Variants in CHRM2 observed in about 807,000 individuals in gnomAD.
CHRM2 encodes muscarinic acetylcholine receptor M2.
CHRM2 carries 8 observed loss-of-function variants against 25.0 expected under a neutral mutation model. The ratio of observed to expected loss-of-function variants is 0.32; its 90% CI spans 0.19 to 0.58. The LOEUF is 0.58. Ranked by LOEUF, CHRM2 falls within the 20% of genes least tolerant of loss-of-function variation. The probability of loss-of-function intolerance (pLI) is 0.88; values close to 1 mark genes in which losing one functional copy is unlikely to be tolerated. For missense variants in CHRM2, 440 were observed against 567.1 expected, an observed-to-expected ratio of 0.78 and a Z score of 2.28; for synonymous variants, 202 against 205.7, an observed-to-expected ratio of 0.98 and a Z score of 0.15.
At chr7:136,941,672 G>A (rs1799780672) in intron 2 of CHRM2, among the ~76,000 whole-genome samples, 1 of 152,150 alleles carries the variant, frequency 6.6e-6, no homozygotes, top group Non-Finnish European at 1.5e-5. Context: ...TGTAACTACA[G>A]GCAAAGTCTA....
At chr7:136,881,049 G>T (rs1563041846) in intron 2 of CHRM2, among the ~76,000 whole-genome samples, 1 of 150,252 alleles carries the variant, frequency 6.7e-6, no homozygotes, top group Admixed American at 6.7e-5. Flanking sequence ...GTGTATAATG[G>T]TATGTAGATG....
intron 2 of CHRM2, chr7:136,871,669 C>A (rs1231381980): frequency 6.6e-6 from 1 of 152,296 alleles, no homozygotes; most frequent in Non-Finnish European, 1.5e-5. Flanking sequence ...AACAGGCATA[C>A]CTGTGCCATT....
intron 2 of CHRM2, among the ~76,000 whole-genome samples, chr7:136,948,724 C>A (rs1034446892): frequency 7.2e-5 from 11 of 152,138 alleles, no homozygotes; most frequent in African/African-American, 2.7e-4. Flanking sequence ...CTTTCTTCCA[C>A]CACAGCTCCT....
chr7:136,993,770 C>A (rs909894758), intron 3 of CHRM2, among the ~76,000 whole-genome samples: 2 of 152,104 alleles, frequency 1.3e-5, no homozygotes, highest in Admixed American at 1.3e-4. Context: ...AAATCCAACC[C>A]CAAAGTGAAA....
chr7:136,893,935 C>T (rs1796791362), intron 2 of CHRM2, among the ~76,000 whole-genome samples: 1 of 152,146 alleles, frequency 6.6e-6, no homozygotes, highest in South Asian at 2.1e-4. Flanking sequence ...TTATTTTGCC[C>T]TTTGTTCTAC....
chr7:136,880,690 T>C (rs534375375), intron 2 of CHRM2, among the ~76,000 whole-genome samples: 1 of 151,826 alleles, frequency 6.6e-6, no homozygotes, highest in Non-Finnish European at 1.5e-5. Context: ...GAAGAACTGT[T>C]TCCACAAACC....
intron 2 of CHRM2, chr7:136,901,801 CTTAA>C (rs1037716930): frequency 3.9e-5 from 6 of 151,972 alleles, no homozygotes; most frequent in Admixed American, 2.6e-4. Context: ...CACAAAACCT[CTTAA>C]TTCTTTCCCA....
intron 2 of CHRM2, chr7:136,907,818 G>A (rs1033944067): frequency 1.3e-5 from 2 of 152,024 alleles, no homozygotes; most frequent in Non-Finnish European, 2.9e-5. Context: ...GGTGCCAACG[G>A]AGATTCAAGA....
chr7:136,941,357 T>C (rs1466965320), intron 2 of CHRM2, among the ~76,000 whole-genome samples: 1 of 152,162 alleles, frequency 6.6e-6, no homozygotes, highest in Non-Finnish European at 1.5e-5. Context: ...ATCCCATCAA[T>C]ATCAAATGAG....
chr7:136,969,915 T>C (rs980720421), intron 2 of CHRM2, among the ~76,000 whole-genome samples: 1 of 152,186 alleles, frequency 6.6e-6, no homozygotes, highest in Admixed American at 6.5e-5. Flanking sequence ...CACAGTCCGG[T>C]AGCTGGGAAG....
chr7:136,945,472 T>C (rs1380265020), intron 2 of CHRM2, among the ~76,000 whole-genome samples: 3 of 152,166 alleles, frequency 2.0e-5, no homozygotes, highest in Non-Finnish European at 2.9e-5. Context: ...CCCAGCACCA[T>C]TTATTGAATA....
chr7:136,957,278 T>C (rs570565863), intron 2 of CHRM2, among the ~76,000 whole-genome samples: 56 of 143,176 alleles, frequency 3.9e-4, no homozygotes, highest in Non-Finnish European at 6.8e-4. Flanking sequence ...TGTGTGTGTG[T>C]GCACATGCAC....
intron 2 of CHRM2, among the ~76,000 whole-genome samples, chr7:136,876,114 T>G (rs1280331839): frequency 2.6e-5 from 4 of 152,214 alleles, no homozygotes; most frequent in Non-Finnish European, 5.9e-5. Flanking sequence ...CTCAGTATAT[T>G]CCTGTTATTT....
chr7:136,964,660 C>T (rs1288083718), intron 2 of CHRM2, among the ~76,000 whole-genome samples: 1 of 152,088 alleles, frequency 6.6e-6, no homozygotes, highest in Non-Finnish European at 1.5e-5. Context: ...ATTTCCCTGC[C>T]TATGTAGTCT....
At chr7:136,961,771 G>A (rs1370774164) in intron 2 of CHRM2, among the ~76,000 whole-genome samples, 1 of 152,072 alleles carries the variant, frequency 6.6e-6, no homozygotes, top group Non-Finnish European at 1.5e-5. Context: ...AAAAAGGAAG[G>A]TGAGAGAAAG....
At chr7:136,993,563 G>A (rs1369917253) in intron 3 of CHRM2, among the ~76,000 whole-genome samples, 1 of 152,152 alleles carries the variant, frequency 6.6e-6, no homozygotes, top group Non-Finnish European at 1.5e-5. Flanking sequence ...GGCATACGGA[G>A]AAGTGCCAGA....
intron 2 of CHRM2, among the ~76,000 whole-genome samples, chr7:136,879,137 CAG>C (rs1451457234): frequency 6.6e-6 from 1 of 151,780 alleles, no homozygotes; most frequent in Non-Finnish European, 1.5e-5. Flanking sequence ...TTTCTAGGCA[CAG>C]AGGTGGAAAA....
chr7:136,980,447 C>T (rs1003555539), intron 2 of CHRM2, among the ~76,000 whole-genome samples: 1 of 152,140 alleles, frequency 6.6e-6, no homozygotes, highest in Non-Finnish European at 1.5e-5. Flanking sequence ...ATTTCTCTTG[C>T]CTGATTGCCC....
chr7:136,924,575 A>G (rs1375499331), intron 2 of CHRM2, among the ~76,000 whole-genome samples: 1 of 152,112 alleles, frequency 6.6e-6, no homozygotes, highest in African/African-American at 2.4e-5. Flanking sequence ...ACTTTGCCCA[A>G]AGGTTGTAGG....
Sources: gnomAD v4.1 joint callset for allele counts (sites outside exome capture counted in the v4.1 genomes callset) on GRCh38, gnomAD v4.1.1 for gene constraint, MANE v1.5 for transcripts, NCBI Gene and HGNC (gene_info 2026-07-23, HGNC 2026-07-21) for gene names.